The following EIF2S1 variants were observed in gnomAD, a reference collection of about 807,000 sequenced individuals.
The protein encoded by EIF2S1 is eukaryotic translation initiation factor 2 subunit alpha, also known as eukaryotic translation initiation factor 2 subunit 1.
In EIF2S1, 5 loss-of-function variants were observed where a neutral mutation model predicts 33.5. The observed-to-expected ratio is 0.15, with a 90% CI of 0.08 to 0.31. EIF2S1 has a LOEUF of 0.31. Among genes scored for constraint, EIF2S1 ranks in the 10% least tolerant of loss-of-function variants. EIF2S1 has a pLI of 1.00. For synonymous variants in EIF2S1, 99 were observed against 127.5 expected (o/e 0.78, Z 1.51); for missense variants, 191 against 384.6 (o/e 0.50, Z 4.21).
intron 4 of EIF2S1, among the ~76,000 whole-genome samples, chr14:67,376,961 C>G (rs574598257): frequency 6.6e-6 from 1 of 152,306 alleles, no homozygotes; most frequent in South Asian, 2.1e-4. Context: ...TAGCCTGGGC[C>G]TTACTATCAC....
At chr14:67,376,923 C>T (rs556429893) in intron 4 of EIF2S1, among the ~76,000 whole-genome samples, 1 of 152,306 alleles carries the variant, frequency 6.6e-6, no homozygotes, top group South Asian at 2.1e-4. Context: ...TCAGCCCACA[C>T]CACTTTAGCC....
At chr14:67,373,375 G>A (rs570927393) in intron 2 of EIF2S1, among the ~76,000 whole-genome samples, 41 of 152,106 alleles carry the variant, frequency 2.7e-4, no homozygotes, top group Non-Finnish European at 4.4e-4. Flanking sequence ...AATAAAATCA[G>A]TGTATATGAA....
chr14:67,368,969 C>T (rs775750361), intron 2 of EIF2S1, among the ~76,000 whole-genome samples: 13 of 151,672 alleles, frequency 8.6e-5, no homozygotes, highest in Non-Finnish European at 1.9e-4. Flanking sequence ...AAACAAAAAC[C>T]AGAAAGAACA....
At position 67,379,145 on chromosome 14, in the gene EIF2S1, C is replaced by T. The variant is rs116698817; in HGVS notation, c.474-1514C>T. 9.4e-3 allele frequency among the ~76,000 whole-genome samples: 1,425 copies of T among 152,200 alleles called. 23 individuals are homozygous for T. The highest frequency in any genetic ancestry group is 0.032 in the African/African-American group (1,344 of 41,520). ...GTTTAGGTAATTTTCCCTTCTGTGC[C>T]ATTTGTCAAACAGGGCTGTGATGAA... On this transcript the variant is annotated intron_variant, in intron 4 of 7. Coordinates refer to ENST00000256383, the MANE Select transcript of EIF2S1 (RefSeq NM_004094.5).
At chr14:67,369,918 G>A (rs1037667045) in intron 2 of EIF2S1, among the ~76,000 whole-genome samples, 12 of 152,164 alleles carry the variant, frequency 7.9e-5, no homozygotes, top group African/African-American at 2.9e-4. Flanking sequence ...ACAAATATAG[G>A]GGTGTGAAGT....
intron 2 of EIF2S1, among the ~76,000 whole-genome samples, chr14:67,366,824 C>T (rs916218382): frequency 1.4e-5 from 2 of 139,288 alleles, no homozygotes; most frequent in South Asian, 2.2e-4. Flanking sequence ...GAAGGTGAGT[C>T]GACACTTATA....
chr14:67,375,783 G>A (rs945506364), intron 3 of EIF2S1, among the ~76,000 whole-genome samples: 5 of 152,060 alleles, frequency 3.3e-5, no homozygotes, highest in Non-Finnish European at 5.9e-5. Context: ...TGTTTTTTTA[G>A]AAATACAGAC....
At chr14:67,360,648 G>A (rs1268845284) in intron 1 of EIF2S1, 192 bp downstream of exon 1, 1 of 159,084 alleles carries the variant, frequency 6.3e-6, no homozygotes, top group Non-Finnish European at 1.4e-5. Context: ...GTCATCCTGT[G>A]TTCCAGAGGC....
intron 1 of EIF2S1, among the ~76,000 whole-genome samples, chr14:67,361,226 AAAC>A (rs2085736722): frequency 6.6e-6 from 1 of 152,172 alleles, no homozygotes; most frequent in South Asian, 2.1e-4. Context: ...ATTAAGCAAA[AAAC>A]ATGGTTTCTT....
chr14:67,362,032 CTTTTT>C (rs1233736237), intron 1 of EIF2S1, among the ~76,000 whole-genome samples: 1 of 91,420 alleles, frequency 1.1e-5, no homozygotes, highest in Non-Finnish European at 2.2e-5. Flanking sequence ...TTTCTTTTTT[CTTTTT>C]TTTTTTGAGA....
At chr14:67,364,176 TATGAG>T (rs1369999685) in intron 1 of EIF2S1, 4 of 152,186 alleles carry the variant, frequency 2.6e-5, no homozygotes, top group Non-Finnish European at 4.4e-5. Context: ...GAAAAAGAAT[TATGAG>T]AGGAGGATGC....
intron 2 of EIF2S1, among the ~76,000 whole-genome samples, chr14:67,367,270 C>T (rs2085785691): frequency 1.3e-5 from 2 of 152,180 alleles, no homozygotes; most frequent in South Asian, 2.1e-4. Context: ...CTCACTCTGT[C>T]GCCAGGCTGG....
intron 2 of EIF2S1, among the ~76,000 whole-genome samples, chr14:67,372,504 G>C (rs899707474): frequency 2.6e-5 from 4 of 152,122 alleles, no homozygotes; most frequent in African/African-American, 9.7e-5. Flanking sequence ...AGACAAACCA[G>C]CATATTTTAA....
intron 2 of EIF2S1, among the ~76,000 whole-genome samples, chr14:67,366,769 A>G (rs891086143): frequency 6.6e-6 from 1 of 151,984 alleles, no homozygotes; most frequent in African/African-American, 2.4e-5. Context: ...ATAACTACCT[A>G]AAGACAATGA....
chr14:67,381,263 C>CA (rs1199033636), intron 5 of EIF2S1, among the ~76,000 whole-genome samples: 2 of 152,072 alleles, frequency 1.3e-5, no homozygotes, highest in Non-Finnish European at 2.9e-5. Flanking sequence ...CTCACAGTTA[C>CA]AAAAAAATGC....
At chr14:67,375,544 G>GT (rs1268588181) in intron 3 of EIF2S1, among the ~76,000 whole-genome samples, 2 of 145,242 alleles carry the variant, frequency 1.4e-5, no homozygotes, top group Non-Finnish European at 3.0e-5. Context: ...AAAAAAAAAA[G>GT]TTTCAATGAA....
chr14:67,364,420 T>C (rs1297476559), intron 1 of EIF2S1: 1 of 186,424 alleles, frequency 5.4e-6, no homozygotes, highest in Non-Finnish European at 1.1e-5. Context: ...ATGCTTCCCA[T>C]CATTTGATAT....
At position 67,385,596 on chromosome 14, in the gene EIF2S1, C is replaced by T. The variant is rs1479481144; in HGVS notation, c.*2156C>T. The T allele has an allele frequency of 6.6e-6, 1 of 150,892 alleles. No homozygotes were observed. The highest frequency in any genetic ancestry group is 1.5e-5 in the Non-Finnish European group (1 of 67,826). The allele number at this position is 150,892 out of a possible 1,614,324, so 9.3% of individuals were successfully genotyped here. A position where few individuals can be genotyped will look rare whatever the true frequency, so the allele number is the denominator to read the frequency against. On this transcript the variant is annotated 3_prime_UTR_variant, in exon 8 of 8. Transcript: ENST00000256383. ...AGTGATAGTTTGGGTCTCATTTATG[C>T]ATAAATTAATTGAAAATCAGTAATG... is the stretch of plus-strand genomic sequence containing the variant.
intron 2 of EIF2S1, among the ~76,000 whole-genome samples, chr14:67,370,529 A>T (rs1595646017): frequency 6.6e-6 from 1 of 152,242 alleles, no homozygotes; most frequent in African/African-American, 2.4e-5. Flanking sequence ...GAATGGGGCT[A>T]TCACTGCAGA....
Sources: allele counts gnomAD v4.1 joint callset (sites outside exome capture counted in the v4.1 genomes callset), GRCh38; gene constraint gnomAD v4.1.1; transcripts MANE v1.5; gene names NCBI Gene and HGNC (gene_info 2026-07-23, HGNC 2026-07-21).